PALM2AKAP2: variants seen among roughly 807,000 people sequenced by gnomAD.
PALM2AKAP2 encodes PALM2-AKAP2 fusion protein.
In PALM2AKAP2, 37 loss-of-function variants were observed where a neutral mutation model predicts 71.5. The observed-to-expected ratio is 0.52, with a 90% CI of 0.40 to 0.68. The LOEUF is 0.68. PALM2AKAP2 is among the 30% of genes least tolerant of loss of function. PALM2AKAP2 has a pLI of 0.00. For synonymous variants in PALM2AKAP2, 468 were observed against 478.8 expected (o/e 0.98, Z 0.29); for missense variants, 1,224 against 1,191.8 (o/e 1.03, Z -0.40).
intron 7 of PALM2AKAP2, 73 bp downstream of exon 7, chr9:110,016,112 G>A: frequency 6.8e-7 from 1 of 1,459,956 alleles, no homozygotes. Context: ...AGGTTTTTCT[G>A]GGGGCAAAAT....
chr9:110,144,001 G>C (rs1426409981), intron 2 of PALM2AKAP2, among the ~76,000 whole-genome samples: 5 of 152,176 alleles, frequency 3.3e-5, no homozygotes, highest in African/African-American at 4.8e-5. Flanking sequence ...TCTTAACTGG[G>C]TCTCTGTTCT....
chr9:109,787,161 G>A (rs114756446), intron 1 of PALM2AKAP2, among the ~76,000 whole-genome samples: 2,238 of 152,254 alleles, frequency 0.015, 59 homozygotes, highest in African/African-American at 0.051. Context: ...TGGCCTTTCC[G>A]TTGGTATCTG....
intron 1 of PALM2AKAP2, among the ~76,000 whole-genome samples, chr9:109,788,520 G>A (rs1455486134): frequency 6.6e-6 from 1 of 152,178 alleles, no homozygotes; most frequent in Non-Finnish European, 1.5e-5. Flanking sequence ...GTAGGTCTAG[G>A]GTGATGTGGC....
chr9:110,134,761 G>A (rs1400009025), intron 1 of PALM2AKAP2, among the ~76,000 whole-genome samples: 1 of 152,060 alleles, frequency 6.6e-6, no homozygotes, highest in Admixed American at 6.5e-5. Context: ...TTAGATAAAT[G>A]AAAATTACAC....
intron 1 of PALM2AKAP2, among the ~76,000 whole-genome samples, chr9:109,729,434 C>T (rs1587885460): frequency 6.6e-6 from 1 of 152,232 alleles, no homozygotes; most frequent in South Asian, 2.1e-4. Flanking sequence ...ATCGCTTCCA[C>T]AGGCAGTGGA....
rs1462922893 is a variant in PALM2AKAP2, at chr9:109,691,732, C to T, written c.5+50866C>T. Among the ~76,000 whole-genome samples, 4 of 149,570 alleles carry T rather than the reference C, an allele frequency of 2.7e-5. No homozygotes were observed. The East Asian group carries it at 7.8e-4, about 29-fold the overall frequency. Reference sequence around the variant, plus strand: ...CTCTCATATTATGGTAAGCCTGCCCCCACACCACCCATGCTTATATTCAAA... The same window carrying T: ...CTCTCATATTATGGTAAGCCTGCCCTCACACCACCCATGCTTATATTCAAA... On this transcript the variant is annotated intron_variant, in intron 1 of 6. Coordinates refer to the PALM2AKAP2 transcript ENST00000374531.
At position 109,694,419 on chromosome 9, in the gene PALM2AKAP2, A is replaced by G. The variant is rs544782010; in HGVS notation, c.5+53553A>G. On this transcript the variant is annotated intron_variant, in intron 1 of 6. Coordinates refer to the PALM2AKAP2 transcript ENST00000374531. ...AATTTATTTATAGAATTAAGAGGGG[A>G]AATATAAACAACAACCACTATAAAA... Among the ~76,000 whole-genome samples, 126 of 152,204 alleles carry G rather than the reference A, an allele frequency of 8.3e-4. 3 individuals are homozygous for G. The highest frequency in any genetic ancestry group is 8.1e-3 in the Admixed American group (124 of 15,302).
At chr9:110,156,295 G>A in intron 2 of PALM2AKAP2, 24 bp from the exon 9 acceptor site, 1 of 1,536,934 alleles carries the variant, frequency 6.5e-7, no homozygotes, top group Non-Finnish European at 8.8e-7. Context: ...GCTTAGAAAG[G>A]GTATTTTCTT....
intron 1 of PALM2AKAP2, among the ~76,000 whole-genome samples, chr9:109,822,221 GA>G (rs1828024744): frequency 6.6e-6 from 1 of 152,102 alleles, no homozygotes; most frequent in South Asian, 2.1e-4. Context: ...AAAGTCACTA[GA>G]TTTTTTTTCT....
intron 1 of PALM2AKAP2, among the ~76,000 whole-genome samples, chr9:109,645,181 G>A (rs1216157584): frequency 6.6e-6 from 1 of 152,226 alleles, no homozygotes; most frequent in African/African-American, 2.4e-5. Context: ...TGTGGCTGGG[G>A]AAGCCTCACA....
At chr9:110,094,140 A>G (rs1588105152) in intron 1 of PALM2AKAP2, among the ~76,000 whole-genome samples, 1 of 152,194 alleles carries the variant, frequency 6.6e-6, no homozygotes, top group South Asian at 2.1e-4. Context: ...TTACCATTGC[A>G]CTGGCAACAT....
chr9:109,711,743 T>C (rs765586838), intron 1 of PALM2AKAP2, among the ~76,000 whole-genome samples: 2 of 152,202 alleles, frequency 1.3e-5, no homozygotes, highest in Non-Finnish European at 1.5e-5. Context: ...GAGCTAAACA[T>C]ACATCAGCTT....
intron 6 of PALM2AKAP2, among the ~76,000 whole-genome samples, chr9:109,970,221 A>T (rs1206262725): frequency 1.3e-5 from 2 of 152,364 alleles, no homozygotes; most frequent in Non-Finnish European, 2.9e-5. Context: ...GAATGATGAG[A>T]AAAGTAAAAT....
intron 1 of PALM2AKAP2, among the ~76,000 whole-genome samples, chr9:109,657,324 A>G (rs994763565): frequency 3.3e-5 from 5 of 152,182 alleles, no homozygotes; most frequent in African/African-American, 1.2e-4. Context: ...TTTTTTGAGG[A>G]GGGAGAATGT....
chr9:109,673,967 C>T (rs562543031), intron 1 of PALM2AKAP2, among the ~76,000 whole-genome samples: 2 of 152,042 alleles, frequency 1.3e-5, no homozygotes, highest in South Asian at 2.1e-4. Context: ...TTTCTCCATA[C>T]CTTTATTTTG....
intron 7 of PALM2AKAP2, among the ~76,000 whole-genome samples, chr9:110,035,417 AATACATATTAT>A (rs1459542728): frequency 1.4e-5 from 2 of 143,178 alleles, no homozygotes; most frequent in Admixed American, 7.2e-5. Flanking sequence ...TAATATGTAT[AATACATATTAT>A]ATACGTATAT....
chr9:109,915,661 C>A lies in PALM2AKAP2; in HGVS notation c.258-8074C>A, dbSNP rs372911789. ...TGTGAAGATTAAGTATTATAATGTA[C>A]GTAAAACACTCATAACAGTTCCAAG... On this transcript the variant is annotated intron_variant, in intron 3 of 9. Transcript: ENST00000302798. Among the ~76,000 whole-genome samples, 3 of 152,128 alleles carry A rather than the reference C, an allele frequency of 2.0e-5. No individual in the cohort carries two copies. In the East Asian group the frequency reaches 5.8e-4, roughly 29 times the overall value.
chr9:110,107,805 A>G (rs1046840266), intron 1 of PALM2AKAP2, among the ~76,000 whole-genome samples: 16 of 152,148 alleles, frequency 1.1e-4, no homozygotes, highest in Middle Eastern at 3.4e-3. Flanking sequence ...GGCCTCAGGC[A>G]ATCTGCTTGC....
At chr9:109,780,096 C>T (rs933306862), upstream of PALM2AKAP2, among the ~76,000 whole-genome samples, 1 of 151,162 alleles carries the variant, frequency 6.6e-6, no homozygotes, top group African/African-American at 2.4e-5. Context: ...CGCCTTGGAC[C>T]GCGGCCTCGG....
Sources: allele counts gnomAD v4.1 joint callset (sites outside exome capture counted in the v4.1 genomes callset), GRCh38; gene constraint gnomAD v4.1.1; transcripts MANE v1.5; gene names NCBI Gene and HGNC (gene_info 2026-07-23, HGNC 2026-07-21).